Variants in MAGI2 observed in about 807,000 individuals in gnomAD.
MAGI2 encodes the protein membrane-associated guanylate kinase, WW and PDZ domain-containing protein 2.
MAGI2 carries 35 observed loss-of-function variants against 133.3 expected under a neutral mutation model. The ratio of observed to expected loss-of-function variants is 0.26; its 90% CI spans 0.20 to 0.35. The LOEUF is 0.35. Ranked by LOEUF, MAGI2 falls within the 10% of genes least tolerant of loss-of-function variation. The pLI is 1.00. For missense variants in MAGI2, 1,636 were observed against 1,863.4 expected, an observed-to-expected ratio of 0.88 and a Z score of 2.25; for synonymous variants, 729 against 710.6, an observed-to-expected ratio of 1.03 and a Z score of -0.41.
At chr7:79,366,013 A>T (rs756113058) in intron 1 of MAGI2, among the ~76,000 whole-genome samples, 6 of 151,144 alleles carry the variant, frequency 4.0e-5, no homozygotes, top group Non-Finnish European at 7.4e-5. Context: ...AAGCCGACAC[A>T]GGAGGATCAC....
chr7:79,068,952 G>A (rs1033579008), intron 1 of MAGI2, among the ~76,000 whole-genome samples: 2 of 151,694 alleles, frequency 1.3e-5, no homozygotes, highest in African/African-American at 4.8e-5. Context: ...TGGTCTGAGA[G>A]ACTGTTTGTT....
intron 9 of MAGI2, among the ~76,000 whole-genome samples, chr7:78,331,382 AAAT>A (rs1789180627): frequency 6.6e-6 from 1 of 152,218 alleles, no homozygotes; most frequent in Admixed American, 6.5e-5. Context: ...ATGTATAAAA[AAAT>A]AATGCAGATG....
chr7:78,167,737 C>T (rs187612151), intron 15 of MAGI2, among the ~76,000 whole-genome samples, 179 bp downstream of exon 15: 106 of 152,258 alleles, frequency 7.0e-4, no homozygotes, highest in African/African-American at 2.3e-3. Context: ...GATTTTTGTC[C>T]AGTGGGGTGA....
At chr7:79,212,545 G>GA (rs1829589443) in intron 1 of MAGI2, among the ~76,000 whole-genome samples, 4 of 152,058 alleles carry the variant, frequency 2.6e-5, no homozygotes, top group Middle Eastern at 3.4e-3. Flanking sequence ...TAATCTGATA[G>GA]AAAAAAAGAA....
At chr7:79,001,456 T>A (rs1413995257) in intron 2 of MAGI2, among the ~76,000 whole-genome samples, 1 of 152,216 alleles carries the variant, frequency 6.6e-6, no homozygotes, top group Non-Finnish European at 1.5e-5. Flanking sequence ...TTTGGTATAA[T>A]GGAAAATAGT....
At chr7:78,041,534 G>T (rs774499362) in intron 21 of MAGI2, among the ~76,000 whole-genome samples, 12 of 152,164 alleles carry the variant, frequency 7.9e-5, no homozygotes, top group Non-Finnish European at 1.3e-4. Flanking sequence ...AATTAGCTGG[G>T]TGTGGTAGTG....
intron 5 of MAGI2, among the ~76,000 whole-genome samples, chr7:78,492,949 G>T (rs1182607733): frequency 1.3e-5 from 2 of 152,118 alleles, no homozygotes; most frequent in African/African-American, 2.4e-5. Flanking sequence ...TTAGGATAAA[G>T]CTAATGTGAT....
rs149661638 is a variant in MAGI2 at position 78,295,760 on chromosome 7, A to C, written c.1409-39179T>G. ...AGCCCTCCCCTAAATAAGTATCTCC[A>C]GGCACAGTGTCTCCTGTAAACTTCA... On this transcript the variant is annotated intron_variant, in intron 9 of 21. Transcript: ENST00000354212. Among the ~76,000 whole-genome samples the C allele has an allele frequency of 3.5e-3, 532 of 152,270 alleles. 3 individuals are homozygous for C. The highest frequency in any genetic ancestry group is 0.012 in the African/African-American group (494 of 41,560).
chr7:78,417,904 C>T (rs936728170), intron 6 of MAGI2, among the ~76,000 whole-genome samples: 27 of 152,150 alleles, frequency 1.8e-4, no homozygotes, highest in African/African-American at 6.5e-4. Context: ...AAGTTTCAAT[C>T]ACCATCTTTC....
At chr7:78,403,522 G>T (rs1371969854) in intron 6 of MAGI2, among the ~76,000 whole-genome samples, 1 of 152,120 alleles carries the variant, frequency 6.6e-6, no homozygotes, top group Non-Finnish European at 1.5e-5. Flanking sequence ...CCCAGTAATT[G>T]GATGGCTGGG....
chr7:79,280,697 T>G (rs574018571), intron 1 of MAGI2, among the ~76,000 whole-genome samples: 1 of 151,820 alleles, frequency 6.6e-6, no homozygotes, highest in South Asian at 2.1e-4. Context: ...GGAAGGCAGA[T>G]GGGGAGGATC....
chr7:78,452,652 G>A (rs1430940690), intron 6 of MAGI2, among the ~76,000 whole-genome samples: 2 of 151,640 alleles, frequency 1.3e-5, no homozygotes, highest in Admixed American at 6.6e-5. Flanking sequence ...TATGTAGAAT[G>A]TAAAAAGCAA....
chr7:79,315,747 G>A (rs913342472), intron 1 of MAGI2, among the ~76,000 whole-genome samples: 2 of 152,086 alleles, frequency 1.3e-5, no homozygotes, highest in Non-Finnish European at 1.5e-5. Context: ...AGTAACTCTG[G>A]GCAAAAGCAG....
intron 2 of MAGI2, among the ~76,000 whole-genome samples, chr7:78,652,477 T>C (rs1811686430): frequency 6.6e-6 from 1 of 151,936 alleles, no homozygotes; most frequent in Non-Finnish European, 1.5e-5. Flanking sequence ...AAGCCACACA[T>C]CTAAAACCAT....
At chr7:78,378,152 G>A (rs1330508848) in intron 6 of MAGI2, among the ~76,000 whole-genome samples, 1 of 151,882 alleles carries the variant, frequency 6.6e-6, no homozygotes, top group African/African-American at 2.4e-5. Context: ...AGAGAAAATA[G>A]AGTGAACCTA....
intron 1 of MAGI2, among the ~76,000 whole-genome samples, chr7:79,211,428 C>T (rs762077112): frequency 6.6e-6 from 1 of 151,700 alleles, no homozygotes; most frequent in Non-Finnish European, 1.5e-5. Context: ...CAGTGCACCA[C>T]TATGTCCGGC....
rs374203623 is a variant in MAGI2, at chr7:79,016,765, T to C, written c.302-9559A>G. On this transcript the variant is annotated intron_variant, in intron 1 of 21. Transcript: ENST00000354212. ...TGGCTAGCATGGAAACTGGAGACTG[T>C]CAGCCCCACACCCACCTGCACCCCA... Among the ~76,000 whole-genome samples the C allele has an allele frequency of 2.0e-4, 31 of 152,202 alleles. No homozygotes were observed. The South Asian group carries it at 6.0e-3, about 30-fold the overall frequency.
chr7:79,163,780 C>G (rs1325452679), intron 1 of MAGI2, among the ~76,000 whole-genome samples: 4 of 151,988 alleles, frequency 2.6e-5, no homozygotes, highest in African/African-American at 9.7e-5. Flanking sequence ...GATGCCTAAT[C>G]TTGACTATCT....
At chr7:79,284,624 G>T (rs1158729741) in intron 1 of MAGI2, among the ~76,000 whole-genome samples, 1 of 151,854 alleles carries the variant, frequency 6.6e-6, no homozygotes, top group African/African-American at 2.4e-5. Flanking sequence ...AAAATTATTC[G>T]ATTTCAATAG....
Sources: gnomAD v4.1 joint callset for allele counts (sites outside exome capture counted in the v4.1 genomes callset) on GRCh38, gnomAD v4.1.1 for gene constraint, MANE v1.5 for transcripts, NCBI Gene and HGNC (gene_info 2026-07-23, HGNC 2026-07-21) for gene names.